The following ERICH1 variants were observed in gnomAD, a reference collection of about 807,000 sequenced individuals.
ERICH1 encodes glutamate-rich protein 1.
Under a neutral mutation model 39.6 loss-of-function variants are expected in ERICH1, and 56 were observed. The ratio of observed to expected loss-of-function variants is 1.41; its 90% CI spans 1.14 to 1.77. The LOEUF is 1.77. ERICH1 is among the 40% of genes most tolerant of loss of function. The probability of loss-of-function intolerance (pLI) is 0.00; values close to 1 mark genes in which losing one functional copy is unlikely to be tolerated. For synonymous variants in ERICH1, 313 were observed against 223.6 expected (o/e 1.40, Z -3.57); for missense variants, 826 against 575.4 (o/e 1.44, Z -4.45).
At chr8:727,781 T>C (rs1179649993) in intron 1 of ERICH1, among the ~76,000 whole-genome samples, 1 of 152,120 alleles carries the variant, frequency 6.6e-6, no homozygotes, top group Non-Finnish European at 1.5e-5. Flanking sequence ...TGGAGCTCTC[T>C]CCTTGACGCG....
At chr8:726,734 A>G (rs1818796343) in intron 1 of ERICH1, among the ~76,000 whole-genome samples, 1 of 149,526 alleles carries the variant, frequency 6.7e-6, no homozygotes, top group Non-Finnish European at 1.5e-5. Context: ...ACAGGCAAAC[A>G]GATATGCATG....
At chr8:616,871 AGG>A (rs1252325015) in intron 3 of ERICH1, among the ~76,000 whole-genome samples, 11 of 113,608 alleles carry the variant, frequency 9.7e-5, no homozygotes, top group African/African-American at 3.9e-4. Flanking sequence ...AGAGAGAGAG[AGG>A]GAGAGGGAGA....
intron 5 of ERICH1, chr8:667,669 C>G (rs899797747): frequency 6.5e-6 from 1 of 153,208 alleles, no homozygotes; most frequent in African/African-American, 2.4e-5. Flanking sequence ...ATGCTCTGCA[C>G]GCTGTGACTC....
intron 1 of ERICH1, among the ~76,000 whole-genome samples, chr8:724,512 G>A (rs565251598): frequency 7.9e-5 from 12 of 152,142 alleles, no homozygotes; most frequent in South Asian, 4.2e-4. Flanking sequence ...CGGAGAGGCC[G>A]GCACTGCCCC....
intron 4 of ERICH1, among the ~76,000 whole-genome samples, chr8:672,716 G>A (rs1319596573): frequency 6.6e-6 from 1 of 152,230 alleles, no homozygotes; most frequent in Non-Finnish European, 1.5e-5. Flanking sequence ...GTAAGCAAGT[G>A]CCATCTGTGA....
chr8:713,427 T>C (rs984980388), intron 2 of ERICH1, among the ~76,000 whole-genome samples: 1 of 152,170 alleles, frequency 6.6e-6, no homozygotes, highest in Admixed American at 6.5e-5. Context: ...CATTAAGCCA[T>C]ATGGGAAAAA....
chr8:703,881 C>G (rs977036100), intron 2 of ERICH1, among the ~76,000 whole-genome samples: 6 of 152,182 alleles, frequency 3.9e-5, no homozygotes, highest in African/African-American at 9.7e-5. Context: ...ATCAAGGAAA[C>G]AAGAGAGTGG....
Position 623,520 on chromosome 8 carries a change from A to G in ERICH1, c.977-8236T>C, listed in dbSNP as rs1797414214. 2.0e-5 allele frequency among the ~76,000 whole-genome samples: 3 copies of G among 152,340 alleles called. No individual in the cohort carries two copies. In the South Asian group the frequency reaches 6.2e-4, roughly 32 times the overall value. On this transcript the variant is annotated intron_variant, in intron 3 of 3. Coordinates refer to the ERICH1 transcript ENST00000522706. The stretch of plus-strand genomic sequence containing the variant: ...TTTTTCCAGGTTTATTGAGGTATCA[A>G]TGATAAAAATTGTATATATTTAGGT...
intron 3 of ERICH1, among the ~76,000 whole-genome samples, chr8:622,167 G>C (rs545510189): frequency 8.5e-5 from 13 of 152,156 alleles, no homozygotes; most frequent in African/African-American, 2.9e-4. Flanking sequence ...GATTACAGTG[G>C]CCTAAGATTG....
At chr8:693,167 G>A (rs965732526) in intron 2 of ERICH1, among the ~76,000 whole-genome samples, 3 of 151,300 alleles carry the variant, frequency 2.0e-5, no homozygotes, top group African/African-American at 7.3e-5. Context: ...ACCATGCACA[G>A]CCACAGACCA....
chr8:668,927 T>C (rs1802727310), intron 4 of ERICH1, 135 bp from the exon 5 acceptor site: 1 of 781,718 alleles, frequency 1.3e-6, no homozygotes, highest in East Asian at 2.7e-5. Flanking sequence ...GATGAGAAGC[T>C]ACCAGAAGAG....
chr8:688,995 C>A (rs1291956097), intron 3 of ERICH1, among the ~76,000 whole-genome samples: 1 of 152,232 alleles, frequency 6.6e-6, no homozygotes, highest in East Asian at 1.9e-4. Context: ...AAGGCCAACA[C>A]TCTCCAGGTC....
chr8:700,040 C>CAG, intron 2 of ERICH1, among the ~76,000 whole-genome samples: 1 of 141,464 alleles, frequency 7.1e-6, no homozygotes, highest in Non-Finnish European at 1.5e-5. Flanking sequence ...CTCACAGGCG[C>CAG]ACAGGCCCGC....
At chr8:663,273 G>C (rs986143166), downstream of ERICH1, among the ~76,000 whole-genome samples, 1 of 152,102 alleles carries the variant, frequency 6.6e-6, no homozygotes, top group African/African-American at 2.4e-5. Flanking sequence ...GCCCATCTGA[G>C]CATCAGCTTT....
rs541353173 is a variant in ERICH1 at position 720,394 on chromosome 8, G to A, written c.23-4387C>T. 2.0e-5 allele frequency among the ~76,000 whole-genome samples: 3 copies of A among 152,338 alleles called. No homozygotes were observed. In the South Asian group the frequency reaches 6.2e-4, roughly 32 times the overall value. ...GCCAGTGTCAGCCACAGACACACAG[G>A]ATAACAAAGCTGATAACTGGGATAA... On this transcript the variant is annotated intron_variant, in intron 1 of 5. Coordinates refer to ENST00000262109, the MANE Select transcript of ERICH1 (RefSeq NM_207332.3).
At chr8:685,803 T>C (rs1413236305) in intron 3 of ERICH1, among the ~76,000 whole-genome samples, 1 of 152,132 alleles carries the variant, frequency 6.6e-6, no homozygotes, top group Non-Finnish European at 1.5e-5. Flanking sequence ...TTCAGCCATC[T>C]TTCTATTCCT....
At chr8:663,562 C>G (rs1388463901), downstream of ERICH1, among the ~76,000 whole-genome samples, 1 of 152,146 alleles carries the variant, frequency 6.6e-6, no homozygotes, top group East Asian at 1.9e-4. Context: ...ACAGGGCACA[C>G]ATGGGTCCTG....
chr8:711,454 ATCT>A (rs1814713687), intron 2 of ERICH1, among the ~76,000 whole-genome samples: 1 of 151,586 alleles, frequency 6.6e-6, no homozygotes, highest in African/African-American at 2.4e-5. Flanking sequence ...CTCCCAAGTA[ATCT>A]TCTAACCGTT....
chr8:687,396 G>T (rs1435892464), intron 3 of ERICH1, among the ~76,000 whole-genome samples: 1 of 152,222 alleles, frequency 6.6e-6, no homozygotes, highest in Non-Finnish European at 1.5e-5. Context: ...AGGCTCCTCG[G>T]GGAATAAAAA....
Sources: allele counts gnomAD v4.1 joint callset (sites outside exome capture counted in the v4.1 genomes callset), GRCh38; gene constraint gnomAD v4.1.1; transcripts MANE v1.5; gene names NCBI Gene and HGNC (gene_info 2026-07-23, HGNC 2026-07-21).